The following RP1 variants were observed in gnomAD, a reference collection of about 807,000 sequenced individuals.
RP1 encodes RP1 axonemal microtubule associated.
A neutral mutation model predicts 14.8 loss-of-function variants in RP1; 16 were observed. The ratio of observed to expected loss-of-function variants is 1.08; its 90% CI spans 0.73 to 1.65. The LOEUF (loss-of-function observed/expected upper bound fraction) is 1.65. Ranked by LOEUF, RP1 falls within the 40% of genes most tolerant of loss-of-function variation. The pLI is 0.00. For missense variants in RP1, 2,631 were observed against 2,535.0 expected, an observed-to-expected ratio of 1.04 and a Z score of -0.81; for synonymous variants, 876 against 883.6, an observed-to-expected ratio of 0.99 and a Z score of 0.15.
At chr8:54,593,954 T>C (rs866556749) in intron 1 of RP1, among the ~76,000 whole-genome samples, 21 of 152,364 alleles carry the variant, frequency 1.4e-4, no homozygotes, top group African/African-American at 4.8e-4. Flanking sequence ...GTCAGTGGCA[T>C]GTAGGTGTCC....
intron 7 of RP1, among the ~76,000 whole-genome samples, chr8:54,672,041 T>C (rs1807193058): frequency 2.0e-5 from 3 of 152,178 alleles, no homozygotes; most frequent in Admixed American, 2.0e-4. Flanking sequence ...ACAATGTGTC[T>C]TCCCTGGGCT....
chr8:54,622,925 A>G (rs914759189), intron 3 of RP1, among the ~76,000 whole-genome samples: 5 of 152,238 alleles, frequency 3.3e-5, no homozygotes, highest in Non-Finnish European at 7.3e-5. Context: ...TAAATTGCCT[A>G]TACAGCATGG....
chr8:54,843,798 G>A (rs904772187), intron 25 of RP1, among the ~76,000 whole-genome samples: 1 of 152,152 alleles, frequency 6.6e-6, no homozygotes, highest in Non-Finnish European at 1.5e-5. Context: ...GCATCGCAGG[G>A]CTCAGGTGCA....
chr8:54,708,230 A>G (rs569298410), intron 15 of RP1, among the ~76,000 whole-genome samples: 1 of 152,336 alleles, frequency 6.6e-6, no homozygotes, highest in East Asian at 1.9e-4. Flanking sequence ...GTGTCACTCC[A>G]AAGTGGGAAA....
chr8:54,739,343 T>C (rs1174592864), intron 19 of RP1, among the ~76,000 whole-genome samples: 1 of 152,142 alleles, frequency 6.6e-6, no homozygotes, highest in Non-Finnish European at 1.5e-5. Flanking sequence ...CTCTCTGACT[T>C]ATGATGGGTT....
intron 3 of RP1, among the ~76,000 whole-genome samples, chr8:54,643,284 C>G (rs1334906074): frequency 6.6e-6 from 1 of 152,144 alleles, no homozygotes; most frequent in South Asian, 2.1e-4. Context: ...GTTGTGTTCA[C>G]CTGTATAATT....
chr8:54,743,657 C>T (rs747222275), intron 19 of RP1, among the ~76,000 whole-genome samples: 51 of 152,052 alleles, frequency 3.4e-4, no homozygotes, highest in Non-Finnish European at 2.9e-4. Context: ...GTCCGTTCTA[C>T]GAGGACTTCT....
chr8:54,701,492 G>A, exon 14 of RP1: 1 of 1,521,920 alleles, frequency 6.6e-7, no homozygotes. Context: ...TTAGGTTAGT[G>A]GTGAAGCCAC....
At chr8:54,599,090 T>C (rs1194039732) in intron 1 of RP1, among the ~76,000 whole-genome samples, 1 of 152,210 alleles carries the variant, frequency 6.6e-6, no homozygotes, top group Non-Finnish European at 1.5e-5. Flanking sequence ...CTGAGATCTT[T>C]TGTTATAGTT....
intron 15 of RP1, among the ~76,000 whole-genome samples, chr8:54,711,994 G>A (rs995286151): frequency 1.3e-5 from 2 of 152,148 alleles, no homozygotes; most frequent in African/African-American, 4.8e-5. Flanking sequence ...TAATGGTAAT[G>A]AACTGTGGGG....
chr8:54,591,259 A>T (rs1363925708), intron 1 of RP1, among the ~76,000 whole-genome samples: 1 of 152,052 alleles, frequency 6.6e-6, no homozygotes, highest in Non-Finnish European at 1.5e-5. Flanking sequence ...GGCCCTAAAA[A>T]ATCTGGCCTC....
intron 24 of RP1, among the ~76,000 whole-genome samples, chr8:54,817,736 A>G (rs1018192168): frequency 1.3e-5 from 2 of 152,214 alleles, no homozygotes; most frequent in Non-Finnish European, 2.9e-5. Context: ...TGACTCTAGA[A>G]CACCTCATTA....
chr8:54,646,970 C>T (rs932961625), intron 3 of RP1, among the ~76,000 whole-genome samples: 2 of 152,178 alleles, frequency 1.3e-5, no homozygotes, highest in African/African-American at 2.4e-5. Context: ...CATTTTCTGT[C>T]ACTGTTAAAG....
At chr8:54,579,863 A>G (rs1187519798) in intron 1 of RP1, among the ~76,000 whole-genome samples, 2 of 152,218 alleles carry the variant, frequency 1.3e-5, no homozygotes, top group Non-Finnish European at 2.9e-5. Flanking sequence ...CACACGGGTA[A>G]CTGCAATGTT....
At position 54,824,858 on chromosome 8, in the gene RP1, C is replaced by T. The variant is rs534713801; in HGVS notation, c.3616-12592C>T. On this transcript the variant is annotated intron_variant, in intron 24 of 28. Transcript: ENST00000637698. ...TGCAGAAGTAGCATTTGACAAAATT[C>T]AACACCCATTCATAATTTTTAAAAC... is the stretch of plus-strand genomic sequence containing the variant. Among the ~76,000 whole-genome samples the T allele has an allele frequency of 9.2e-5, 14 of 152,226 alleles. No homozygotes were observed. In the South Asian group the frequency reaches 2.9e-3, roughly 32 times the overall value.
downstream of RP1, among the ~76,000 whole-genome samples, chr8:54,633,195 A>G (rs191730390): frequency 1.2e-3 from 180 of 152,298 alleles, no homozygotes; most frequent in Non-Finnish European, 2.1e-3. Flanking sequence ...TAAAATAAAT[A>G]TACTATTAGT....
chr8:54,670,792 T>G (rs1282524499), intron 7 of RP1, among the ~76,000 whole-genome samples: 4 of 149,286 alleles, frequency 2.7e-5, no homozygotes, highest in Non-Finnish European at 5.9e-5. Context: ...TTAAACTCTA[T>G]TTTGTCTGAT....
At chr8:54,755,794 C>A (rs1008034888) in intron 21 of RP1, 21 of 1,429,298 alleles carry the variant, frequency 1.5e-5, no homozygotes, top group Admixed American at 1.4e-4. Flanking sequence ...AATAATTTCC[C>A]AGATTCTTAA....
intron 12 of RP1, among the ~76,000 whole-genome samples, chr8:54,691,303 T>C (rs1807703519): frequency 6.6e-6 from 1 of 152,056 alleles, no homozygotes; most frequent in South Asian, 2.1e-4. Flanking sequence ...CTTGGTGATA[T>C]ATTGGAAAAG....
Sources: gnomAD v4.1 joint callset for allele counts (sites outside exome capture counted in the v4.1 genomes callset) on GRCh38, gnomAD v4.1.1 for gene constraint, MANE v1.5 for transcripts, NCBI Gene and HGNC (gene_info 2026-07-23, HGNC 2026-07-21) for gene names.